ESR1: variants seen among roughly 807,000 people sequenced by gnomAD.
The protein encoded by ESR1 is estrogen receptor.
ESR1 carries 12 observed loss-of-function variants against 52.7 expected under a neutral mutation model. That is an observed-to-expected ratio of 0.23 (90% confidence interval 0.15 to 0.37). The LOEUF (loss-of-function observed/expected upper bound fraction) is 0.37, where lower values mean the gene tolerates loss of function less well. Among genes scored for constraint, ESR1 ranks in the 10% least tolerant of loss-of-function variants. The pLI, the probability that ESR1 is intolerant of heterozygous loss-of-function variation, is 1.00. For missense variants in ESR1, 584 were observed against 779.7 expected (o/e 0.75, Z 2.99); for synonymous variants, 305 against 316.8 (o/e 0.96, Z 0.39).
At chr6:151,964,863 C>T (rs188042704) in intron 4 of ESR1, among the ~76,000 whole-genome samples, 1,663 of 152,204 alleles carry the variant, frequency 0.011, 44 homozygotes, top group African/African-American at 0.038. Flanking sequence ...AGGATGGTCT[C>T]GATCTCCTGA....
intron 2 of ESR1, among the ~76,000 whole-genome samples, chr6:151,878,021 C>T (rs1214311083): frequency 1.3e-5 from 2 of 151,550 alleles, no homozygotes; most frequent in African/African-American, 2.4e-5. Context: ...TGTTATGTTG[C>T]CCAGGCTGGT....
chr6:152,100,329 T>C lies in ESR1; in HGVS notation c.*1363T>C. 1 of 380,470 alleles carries C rather than the reference T, an allele frequency of 2.6e-6. No homozygotes were observed. Among genetic ancestry groups the C allele is most frequent in the Non-Finnish European group, 4.7e-6 (1 of 214,724 alleles). The allele number at this position is 380,470 out of a possible 1,614,324, so 23.6% of individuals were successfully genotyped here. ...GTCACTACTCAGGCTGACTGGGGCC[T>C]GGTCAGATTACGTATGCCCTTGGTG... is the stretch of plus-strand genomic sequence containing the variant. On this transcript the variant is annotated 3_prime_UTR_variant, in exon 8 of 8. Transcript: ENST00000206249.
At chr6:151,666,197 T>C (rs895325839) in intron 1 of ESR1, among the ~76,000 whole-genome samples, 1 of 152,206 alleles carries the variant, frequency 6.6e-6, no homozygotes, top group African/African-American at 2.4e-5. Flanking sequence ...TTTGGAGATA[T>C]TTTAAAAAAC....
chr6:151,764,168 A>G (rs1036563446), intron 2 of ESR1, among the ~76,000 whole-genome samples: 5 of 152,174 alleles, frequency 3.3e-5, no homozygotes, highest in African/African-American at 1.2e-4. Context: ...GGGACTTTCA[A>G]TGCTAAAACT....
intron 4 of ESR1, among the ~76,000 whole-genome samples, chr6:151,954,916 T>C (rs564773959): frequency 6.6e-6 from 1 of 152,224 alleles, no homozygotes; most frequent in Non-Finnish European, 1.5e-5. Flanking sequence ...TTCTCTGAAC[T>C]GTGATCCAGA....
chr6:151,836,077 T>C (rs1368788469), intron 1 of ESR1, among the ~76,000 whole-genome samples: 3 of 152,226 alleles, frequency 2.0e-5, no homozygotes, highest in African/African-American at 7.2e-5. Flanking sequence ...GTAATTCAAA[T>C]GTGGAGTATT....
At chr6:152,109,635 G>A (rs1562795341) in intron 6 of ESR1, among the ~76,000 whole-genome samples, 1 of 152,184 alleles carries the variant, frequency 6.6e-6, no homozygotes, top group South Asian at 2.1e-4. Flanking sequence ...GTGGTGAGCC[G>A]AGATTGTGCC....
chr6:152,045,321 T>C (rs1422398940), intron 5 of ESR1, among the ~76,000 whole-genome samples: 2 of 152,196 alleles, frequency 1.3e-5, no homozygotes, highest in Non-Finnish European at 2.9e-5. Context: ...CTTTGGAACC[T>C]GTGGAGTGAA....
At chr6:151,717,749 TA>T (rs1781159453) in intron 2 of ESR1, among the ~76,000 whole-genome samples, 1 of 152,214 alleles carries the variant, frequency 6.6e-6, no homozygotes, top group Non-Finnish European at 1.5e-5. Context: ...ATGATTTTTA[TA>T]ATAATAAATT....
chr6:151,807,760 G>A lies in ESR1; in HGVS notation c.-153G>A. ...GGCTTCACCGGACCCGCAGGCTCCC[G>A]GGGCAGGGCCGGGGCCAGAGCTCGC... On this transcript the variant is annotated 5_prime_UTR_variant, in exon 1 of 8. Transcript: ENST00000206249. The A allele has an allele frequency of 1.3e-6, 1 of 781,216 alleles. No homozygotes were observed. The highest frequency in any genetic ancestry group is 1.5e-5 in the South Asian group (1 of 65,484). 48.4% of individuals were successfully genotyped at this position (781,216 alleles called of 1,614,324 possible). A position where few individuals can be genotyped will look rare whatever the true frequency, so the allele number is the denominator to read the frequency against.
intron 2 of ESR1, among the ~76,000 whole-genome samples, chr6:151,707,752 T>C (rs1324234503): frequency 6.6e-6 from 1 of 152,058 alleles, no homozygotes; most frequent in African/African-American, 2.4e-5. Context: ...CATGATTGTA[T>C]TGTAGAAGTT....
intron 1 of ESR1, among the ~76,000 whole-genome samples, chr6:151,668,675 G>A (rs1777914857): frequency 6.6e-6 from 1 of 152,168 alleles, no homozygotes; most frequent in African/African-American, 2.4e-5. Flanking sequence ...AGCCCTGCCT[G>A]TTAATACTAT....
chr6:151,780,215 G>A (rs1042564096), intron 2 of ESR1, among the ~76,000 whole-genome samples: 1 of 151,886 alleles, frequency 6.6e-6, no homozygotes, highest in Non-Finnish European at 1.5e-5. Context: ...CGGGGGGTTG[G>A]GGGTCAAGGG....
chr6:151,942,900 T>C (rs998197264), intron 3 of ESR1, among the ~76,000 whole-genome samples: 1 of 152,146 alleles, frequency 6.6e-6, no homozygotes, highest in Non-Finnish European at 1.5e-5. Flanking sequence ...TCTTTGAAAA[T>C]ATAGAAGCTT....
At chr6:151,897,469 A>C (rs1010907912) in intron 3 of ESR1, among the ~76,000 whole-genome samples, 1 of 151,964 alleles carries the variant, frequency 6.6e-6, no homozygotes, top group Non-Finnish European at 1.5e-5. Flanking sequence ...TGTTGTTTTA[A>C]AGTTTGTTTT....
intron 1 of ESR1, among the ~76,000 whole-genome samples, chr6:151,677,557 C>T (rs894922893): frequency 5.3e-5 from 8 of 152,150 alleles, no homozygotes; most frequent in African/African-American, 1.9e-4. Flanking sequence ...ATTGTTCTGT[C>T]GCATTGTTTG....
At chr6:151,966,982 T>A (rs1206413205) in intron 4 of ESR1, among the ~76,000 whole-genome samples, 1 of 152,210 alleles carries the variant, frequency 6.6e-6, no homozygotes, top group African/African-American at 2.4e-5. Flanking sequence ...ACGTGATCAT[T>A]GCTCAAACCT....
chr6:151,778,333 C>A (rs376150721), intron 2 of ESR1, among the ~76,000 whole-genome samples: 3 of 152,050 alleles, frequency 2.0e-5, no homozygotes, highest in East Asian at 1.9e-4. Flanking sequence ...GGCTGCACAA[C>A]ACTGGGAATG....
chr6:152,099,952 C>T lies in ESR1; in HGVS notation c.*986C>T. On this transcript the variant is annotated 3_prime_UTR_variant, in exon 8 of 8. Coordinates refer to ENST00000206249, the MANE Select transcript of ESR1 (RefSeq NM_000125.4). The stretch of plus-strand genomic sequence containing the variant: ...AATGGTAGTTGAAAGGAGCAGGGGC[C>T]CTGGTGTTGCATTTAGCCCTGGGGC... 2.5e-6 allele frequency: 1 copy of T among 398,974 alleles called. No homozygotes were observed. Among genetic ancestry groups the T allele is most frequent in the Admixed American group, 4.4e-5 (1 of 22,740 alleles). 24.7% of individuals were successfully genotyped at this position (398,974 alleles called of 1,614,324 possible). A position where few individuals can be genotyped will look rare whatever the true frequency, so the allele number is the denominator to read the frequency against.
Sources: gnomAD v4.1 joint callset for allele counts (sites outside exome capture counted in the v4.1 genomes callset) on GRCh38, gnomAD v4.1.1 for gene constraint, MANE v1.5 for transcripts, NCBI Gene and HGNC (gene_info 2026-07-23, HGNC 2026-07-21) for gene names.